The following B4GALT6 variants were observed in gnomAD, a reference collection of about 807,000 sequenced individuals.
B4GALT6 encodes UDP-Gal:beta-GlcNAc beta-1,4-galactosyltransferase 6.
In B4GALT6, 14 loss-of-function variants were observed where a neutral mutation model predicts 46.3. The ratio of observed to expected loss-of-function variants is 0.30; its 90% CI spans 0.20 to 0.47. The LOEUF is 0.47. Ranked by LOEUF, B4GALT6 falls within the 20% of genes least tolerant of loss-of-function variation. The pLI is 0.99. For synonymous variants in B4GALT6, 168 were observed against 162.0 expected (o/e 1.04, Z -0.28); for missense variants, 386 against 480.1 (o/e 0.80, Z 1.83).
At chr18:31,719,184 T>A in the B4GALT6 span, 1 of 152,160 alleles carries the variant, frequency 6.6e-6, no homozygotes, top group Non-Finnish European at 1.5e-5. Flanking sequence ...TAAATTCCAA[T>A]CGGTATATCA....
the B4GALT6 span, among the ~76,000 whole-genome samples, chr18:31,694,108 C>T: frequency 3.1e-3 from 470 of 152,298 alleles, 2 homozygotes; most frequent in African/African-American, 0.011. Flanking sequence ...TAGGTCAAGG[C>T]AAGACAGTAA....
the B4GALT6 span, among the ~76,000 whole-genome samples, chr18:31,703,182 G>A: frequency 0.67 from 102,185 of 152,044 alleles, 35,703 homozygotes; most frequent in South Asian, 0.81. Flanking sequence ...AAGAAAGGGA[G>A]GTCTGAAAAG....
Position 31,627,083 on chromosome 18 carries a change from A to G in B4GALT6, c.815T>C (p.Leu272Pro). 1 of 1,610,934 alleles carries G rather than the reference A, an allele frequency of 6.2e-7. No individual in the cohort carries two copies. The highest frequency in any genetic ancestry group is 8.5e-7 in the Non-Finnish European group (1 of 1,178,652). ...GATCTTTCTAAATTGTTCCACTGTC[A>G]GCCCACTTACACCACCAAAAAATTC... is the stretch of plus-strand genomic sequence containing the variant. The part of the protein sequence containing the change: ...YKEFFGGVSG[L>P]TVEQFRKING... Residue 272 changes from leucine (L) to proline (P), a missense_variant, in exon 7 of 9, where the codon CTG (leucine) becomes CCG (proline). By Grantham distance (98) the Leu-to-Pro change is moderately conservative. Coordinates refer to ENST00000306851, the MANE Select transcript of B4GALT6 (RefSeq NM_004775.5).
chr18:31,647,886 G>A (rs1403898905), intron 3 of B4GALT6, among the ~76,000 whole-genome samples: 1 of 152,166 alleles, frequency 6.6e-6, no homozygotes, highest in African/African-American at 2.4e-5. Flanking sequence ...GGTTGGAGAA[G>A]GGAGGACTCA....
At chr18:31,684,675 G>A, upstream of B4GALT6, 2 of 1,150,098 alleles carry the variant, frequency 1.7e-6, no homozygotes, top group Non-Finnish European at 2.2e-6. Context: ...AGGGGGGAGA[G>A]GGGACTGGGG....
At chr18:31,626,966 T>C (rs376868212) in intron 7 of B4GALT6, 33 bp downstream of exon 7, 40 of 1,573,006 alleles carry the variant, frequency 2.5e-5, no homozygotes, top group Non-Finnish European at 2.9e-5. Flanking sequence ...TTTATAAAAA[T>C]TCTATTAGTG....
At position 31,630,942 on chromosome 18, in the gene B4GALT6, T is replaced by C. The variant is rs749683444; in HGVS notation, c.776+17A>G. The C allele has an allele frequency of 3.0e-5, 49 of 1,612,688 alleles. No individual in the cohort carries two copies. Among genetic ancestry groups the C allele is most frequent in the Non-Finnish European group, 4.0e-5 (47 of 1,178,870 alleles). ...CAATTATATCGTACAATATCAGGAA[T>C]AGTGCACACTACTTACATATACATG... is the stretch of plus-strand genomic sequence containing the variant. On this transcript the variant is annotated intron_variant, in intron 6 of 8. Coordinates refer to ENST00000306851, the MANE Select transcript of B4GALT6 (RefSeq NM_004775.5).
rs370560881 is a variant in B4GALT6 at position 31,623,922 on chromosome 18, T to A, written c.*1692A>T. Reference sequence around the variant, plus strand: ...CCTTGAGGCAAATATTATCCAAACGTTTCTCATATATAGATTTCTATTGCT... The same window carrying A: ...CCTTGAGGCAAATATTATCCAAACGATTCTCATATATAGATTTCTATTGCT... On this transcript the variant is annotated 3_prime_UTR_variant, in exon 9 of 9. Transcript: ENST00000306851. The A allele has an allele frequency of 1.6e-4, 25 of 152,162 alleles. No homozygotes were observed. The South Asian group carries it at 2.5e-3, about 15-fold the overall frequency. 9.4% of individuals were successfully genotyped at this position (152,162 alleles called of 1,614,324 possible).
At chr18:31,700,014 C>T in the B4GALT6 span, among the ~76,000 whole-genome samples, 1 of 152,042 alleles carries the variant, frequency 6.6e-6, no homozygotes, top group Admixed American at 6.5e-5. Context: ...GAAGAAGGAT[C>T]AAAAACAGGC....
intron 1 of B4GALT6, among the ~76,000 whole-genome samples, chr18:31,674,936 T>A (rs933615719): frequency 3.3e-5 from 5 of 152,156 alleles, no homozygotes; most frequent in African/African-American, 1.2e-4. Flanking sequence ...CTCAAGGAAA[T>A]CTGCAGTGCA....
intron 5 of B4GALT6, among the ~76,000 whole-genome samples, chr18:31,636,228 T>C (rs527242148): frequency 6.6e-6 from 1 of 152,242 alleles, no homozygotes; most frequent in African/African-American, 2.4e-5. Flanking sequence ...ACAGAACAAT[T>C]TCTCAAATAT....
At chr18:31,713,901 T>C in the B4GALT6 span, among the ~76,000 whole-genome samples, 2 of 152,232 alleles carry the variant, frequency 1.3e-5, no homozygotes, top group African/African-American at 4.8e-5. Context: ...GGTAGCCTAT[T>C]ATTTTCAAAA....
the B4GALT6 span, among the ~76,000 whole-genome samples, chr18:31,691,142 T>G: frequency 6.6e-6 from 1 of 152,004 alleles, no homozygotes; most frequent in Admixed American, 6.6e-5. Flanking sequence ...ATCCCAGAAC[T>G]TAAAGTAAAA....
the B4GALT6 span, among the ~76,000 whole-genome samples, chr18:31,701,059 T>C: frequency 0.012 from 1,813 of 152,194 alleles, 46 homozygotes; most frequent in African/African-American, 0.042. Context: ...CAAATAAACA[T>C]AGAAATTCAG....
chr18:31,626,495 C>T (rs570392168), intron 7 of B4GALT6, 111 bp from the exon 8 acceptor site: 2 of 568,222 alleles, frequency 3.5e-6, no homozygotes, highest in South Asian at 6.4e-5. Flanking sequence ...GTTCCCCAAC[C>T]CCTGGGCCAC....
upstream of B4GALT6, chr18:31,686,557 T>C (rs189082942): frequency 3.9e-5 from 6 of 152,346 alleles, no homozygotes; most frequent in Non-Finnish European, 8.8e-5. Context: ...TTGAAATTCA[T>C]TTTTTAATAT....
At chr18:31,655,168 CT>C (rs1390948794) in intron 3 of B4GALT6, among the ~76,000 whole-genome samples, 1 of 152,240 alleles carries the variant, frequency 6.6e-6, no homozygotes, top group African/African-American at 2.4e-5. Context: ...GTGAAGTGCT[CT>C]GTCGGGCAGC....
the B4GALT6 span, among the ~76,000 whole-genome samples, chr18:31,721,474 T>C: frequency 6.6e-6 from 1 of 152,180 alleles, no homozygotes; most frequent in South Asian, 2.1e-4. Context: ...AAAAAAATAA[T>C]GTGTGTCAAC....
chr18:31,660,904 G>C (rs1007789825), intron 2 of B4GALT6, among the ~76,000 whole-genome samples: 1 of 152,012 alleles, frequency 6.6e-6, no homozygotes, highest in African/African-American at 2.4e-5. Flanking sequence ...AGAAAAAACT[G>C]GTCCATGAAC....
Sources: allele counts gnomAD v4.1 joint callset (sites outside exome capture counted in the v4.1 genomes callset), GRCh38; gene constraint gnomAD v4.1.1; transcripts MANE v1.5; gene names NCBI Gene and HGNC (gene_info 2026-07-23, HGNC 2026-07-21).